The following NBEA variants were observed in gnomAD, a reference collection of about 807,000 sequenced individuals.
NBEA encodes the protein neurobeachin, also known as lysosomal-trafficking regulator 2.
In NBEA, 44 loss-of-function variants were observed where a neutral mutation model predicts 343.4. The ratio of observed to expected loss-of-function variants is 0.13; its 90% CI spans 0.10 to 0.16. The LOEUF (loss-of-function observed/expected upper bound fraction) is 0.16, where lower values mean the gene tolerates loss of function less well. Ranked by LOEUF, NBEA falls within the 10% of genes least tolerant of loss-of-function variation. The pLI, the probability that NBEA is intolerant of heterozygous loss-of-function variation, is 1.00. For missense variants in NBEA, 2,555 were observed against 3,631.3 expected, an observed-to-expected ratio of 0.70 and a Z score of 7.62; for synonymous variants, 1,175 against 1,238.7, an observed-to-expected ratio of 0.95 and a Z score of 1.08.
At chr13:35,299,241 A>G (rs1038642457) in intron 35 of NBEA, among the ~76,000 whole-genome samples, 5 of 152,032 alleles carry the variant, frequency 3.3e-5, no homozygotes, top group African/African-American at 1.2e-4. Context: ...TTACTCTACC[A>G]TTTTTCCTTG....
chr13:35,607,386 G>A (rs950560820), intron 48 of NBEA, among the ~76,000 whole-genome samples: 5 of 152,098 alleles, frequency 3.3e-5, no homozygotes, highest in Admixed American at 6.6e-5. Context: ...TGTATAAACA[G>A]AATGTTCACA....
At chr13:35,649,967 T>G in intron 52 of NBEA, 120 bp downstream of exon 52, 4 of 981,786 alleles carry the variant, frequency 4.1e-6, no homozygotes, top group South Asian at 1.6e-5. Context: ...AACAGCAGAC[T>G]AAATAAATAA....
At chr13:35,338,428 A>G (rs1046305005) in intron 36 of NBEA, among the ~76,000 whole-genome samples, 10 of 152,100 alleles carry the variant, frequency 6.6e-5, no homozygotes, top group South Asian at 4.1e-4. Flanking sequence ...AGAAAATCTG[A>G]GTATTGCTGT....
At chr13:35,038,775 C>T (rs1449575904) in intron 1 of NBEA, among the ~76,000 whole-genome samples, 1 of 152,122 alleles carries the variant, frequency 6.6e-6, no homozygotes, top group Admixed American at 6.6e-5. Context: ...CTCTCCTCTT[C>T]TCAAGTAGAA....
intron 10 of NBEA, among the ~76,000 whole-genome samples, chr13:35,074,380 A>G (rs1334814013): frequency 1.3e-5 from 2 of 152,174 alleles, no homozygotes; most frequent in Non-Finnish European, 2.9e-5. Context: ...TAGGTGATAC[A>G]AAATAAAACC....
chr13:35,210,599 T>TAAAG (rs1461699665), intron 32 of NBEA, among the ~76,000 whole-genome samples: 1 of 152,144 alleles, frequency 6.6e-6, no homozygotes, highest in Non-Finnish European at 1.5e-5. Flanking sequence ...TAGCCCTTCT[T>TAAAG]AAGCAGTGAT....
At chr13:35,244,940 T>G (rs1432627817) in intron 34 of NBEA, among the ~76,000 whole-genome samples, 2 of 152,180 alleles carry the variant, frequency 1.3e-5, no homozygotes, top group Non-Finnish European at 2.9e-5. Flanking sequence ...CTGATTCGTC[T>G]ACATTAACTT....
At position 34,984,903 on chromosome 13, in the gene NBEA, T is replaced by C. The variant is rs2060491359; in HGVS notation, c.294+41789T>C. ...AGATTGATTTTGTATCCTGAGACTT[T>C]GCTGAAGTTGCTTATCAGCTTAAGG... On this transcript the variant is annotated intron_variant, in intron 1 of 58. Coordinates refer to ENST00000379939, the MANE Select transcript of NBEA (RefSeq NM_001385012.1). Among the ~76,000 whole-genome samples, 3 of 151,106 alleles carry C rather than the reference T, an allele frequency of 2.0e-5. 1 individual carries two copies. The highest frequency in any genetic ancestry group is 3.0e-5 in the Non-Finnish European group (2 of 67,494).
intron 39 of NBEA, among the ~76,000 whole-genome samples, chr13:35,441,144 C>T (rs2045718222): frequency 6.6e-6 from 1 of 152,060 alleles, no homozygotes; most frequent in Non-Finnish European, 1.5e-5. Context: ...GTTTGCCTGT[C>T]TCAAAAATCT....
At chr13:35,333,128 G>C (rs560308924) in intron 36 of NBEA, among the ~76,000 whole-genome samples, 1 of 151,966 alleles carries the variant, frequency 6.6e-6, no homozygotes, top group Non-Finnish European at 1.5e-5. Context: ...AACACTTAAT[G>C]ACTAAATATA....
At chr13:35,604,326 A>G (rs749405166) in intron 47 of NBEA, among the ~76,000 whole-genome samples, 3 of 151,940 alleles carry the variant, frequency 2.0e-5, no homozygotes, top group Non-Finnish European at 2.9e-5. Context: ...TTCCACTAGA[A>G]TTCTCTTTTC....
chr13:35,259,665 ATATAT>A (rs552381369), intron 34 of NBEA, among the ~76,000 whole-genome samples: 39 of 152,204 alleles, frequency 2.6e-4, no homozygotes, highest in African/African-American at 7.2e-4. Context: ...ATTTTAAAAA[ATATAT>A]TATAATTATT....
chr13:35,157,691 T>C (rs2069268607), intron 21 of NBEA, among the ~76,000 whole-genome samples: 2 of 152,126 alleles, frequency 1.3e-5, no homozygotes, highest in South Asian at 4.1e-4. Context: ...GGTATTTTAA[T>C]TGCTTTATCT....
At chr13:35,399,809 A>G (rs2042912431) in intron 38 of NBEA, among the ~76,000 whole-genome samples, 1 of 152,054 alleles carries the variant, frequency 6.6e-6, no homozygotes, top group Admixed American at 6.6e-5. Context: ...CAAAGACGTG[A>G]GCCTCTTCCT....
At chr13:35,475,184 A>G (rs754543999) in intron 41 of NBEA, 1 of 1,613,936 alleles carries the variant, frequency 6.2e-7, no homozygotes, top group Non-Finnish European at 8.5e-7. Context: ...GGTAGAAAGT[A>G]GTGGGGACAC....
At chr13:35,239,602 C>A (rs529480179) in intron 34 of NBEA, among the ~76,000 whole-genome samples, 1 of 152,076 alleles carries the variant, frequency 6.6e-6, no homozygotes, top group Middle Eastern at 3.4e-3. Flanking sequence ...TAAGTAAAAG[C>A]TTTTAATTTG....
intron 47 of NBEA, among the ~76,000 whole-genome samples, chr13:35,596,965 T>C (rs1349864158): frequency 6.6e-6 from 1 of 151,778 alleles, no homozygotes; most frequent in Non-Finnish European, 1.5e-5. Flanking sequence ...ATTAGAAAAG[T>C]GAAAACGTCT....
chr13:35,013,694 C>T (rs2061559599), intron 1 of NBEA, among the ~76,000 whole-genome samples: 1 of 152,148 alleles, frequency 6.6e-6, no homozygotes. Flanking sequence ...GTCTTGAACT[C>T]CTGAGCTCAA....
intron 35 of NBEA, among the ~76,000 whole-genome samples, chr13:35,297,185 C>A (rs1286497975): frequency 1.3e-5 from 2 of 151,910 alleles, no homozygotes; most frequent in African/African-American, 4.8e-5. Context: ...ATTAATGAAA[C>A]CAACATGGTT....
Sources: gnomAD v4.1 joint callset for allele counts (sites outside exome capture counted in the v4.1 genomes callset) on GRCh38, gnomAD v4.1.1 for gene constraint, MANE v1.5 for transcripts, NCBI Gene and HGNC (gene_info 2026-07-23, HGNC 2026-07-21) for gene names.